The following SCMH1 variants were observed in gnomAD, a reference collection of about 807,000 sequenced individuals.
The protein encoded by SCMH1 is Scm polycomb group protein homolog 1.
SCMH1 carries 37 observed loss-of-function variants against 70.8 expected under a neutral mutation model. That is an observed-to-expected ratio of 0.52 (90% CI 0.40 to 0.69). SCMH1 has a LOEUF of 0.69. Among genes scored for constraint, SCMH1 ranks in the 30% least tolerant of loss-of-function variants. The probability of loss-of-function intolerance (pLI) is 0.00; values close to 1 mark genes in which losing one functional copy is unlikely to be tolerated. For missense variants in SCMH1, 607 were observed against 827.3 expected, an observed-to-expected ratio of 0.73 and a Z score of 3.27; for synonymous variants, 292 against 307.4, an observed-to-expected ratio of 0.95 and a Z score of 0.52.
chr1:41,145,107 T>C (rs535606135), intron 5 of SCMH1, among the ~76,000 whole-genome samples: 8 of 152,302 alleles, frequency 5.3e-5, no homozygotes, highest in African/African-American at 1.9e-4. Context: ...AAATTATCTA[T>C]TTTTTCTTTT....
At chr1:41,225,294 C>G (rs546260515) in intron 1 of SCMH1, among the ~76,000 whole-genome samples, 3 of 152,198 alleles carry the variant, frequency 2.0e-5, no homozygotes, top group African/African-American at 7.2e-5. Context: ...TACTCAATAT[C>G]CAGGGATAGG....
chr1:41,142,781 A>C, intron 6 of SCMH1, 97 bp downstream of exon 6: 1 of 1,015,092 alleles, frequency 9.9e-7, no homozygotes, highest in Non-Finnish European at 1.5e-6. Context: ...AATAAGGGAT[A>C]AGCTGGGTAC....
chr1:41,103,266 C>G (rs944360539), intron 8 of SCMH1, among the ~76,000 whole-genome samples: 1 of 151,770 alleles, frequency 6.6e-6, no homozygotes, highest in African/African-American at 2.4e-5. Context: ...TAAGTTGCTA[C>G]GATTACAGGC....
intron 2 of SCMH1, among the ~76,000 whole-genome samples, chr1:41,181,791 C>A (rs1021151959): frequency 6.6e-6 from 1 of 152,152 alleles, no homozygotes; most frequent in African/African-American, 2.4e-5. Flanking sequence ...GTCAGTGTGG[C>A]GATTCCTCAG....
intron 10 of SCMH1, among the ~76,000 whole-genome samples, chr1:41,054,840 C>T (rs78798216): frequency 0.011 from 1,612 of 152,084 alleles, 36 homozygotes; most frequent in African/African-American, 0.036. Context: ...AGTGCAGTGG[C>T]ATGCATGATC....
At chr1:41,076,728 G>A (rs1249587316) in intron 8 of SCMH1, among the ~76,000 whole-genome samples, 1 of 152,186 alleles carries the variant, frequency 6.6e-6, no homozygotes, top group Non-Finnish European at 1.5e-5. Context: ...CAAAGAGTCT[G>A]AGACAGGAAC....
At chr1:41,218,186 G>C (rs528904069) in intron 1 of SCMH1, among the ~76,000 whole-genome samples, 3 of 152,240 alleles carry the variant, frequency 2.0e-5, no homozygotes, top group East Asian at 3.9e-4. Flanking sequence ...GTTGGGATGG[G>C]GTGGATATAT....
At chr1:41,052,468 A>G (rs1360007698) in intron 10 of SCMH1, among the ~76,000 whole-genome samples, 1 of 152,250 alleles carries the variant, frequency 6.6e-6, no homozygotes, top group African/African-American at 2.4e-5. Flanking sequence ...CCACTGGTCC[A>G]TGGAACACCT....
chr1:41,161,531 C>T (rs1646031417), intron 2 of SCMH1, 99 bp from the exon 3 acceptor site: 1 of 1,313,616 alleles, frequency 7.6e-7, no homozygotes, highest in Admixed American at 3.2e-5. Flanking sequence ...ATAAAGTAAT[C>T]CACTTCCGAG....
At chr1:41,157,031 A>C (rs1645618305) in intron 4 of SCMH1, among the ~76,000 whole-genome samples, 1 of 140,766 alleles carries the variant, frequency 7.1e-6, no homozygotes, top group Non-Finnish European at 1.5e-5. Context: ...ATCATATCTC[A>C]CTGTAACCCC....
At chr1:41,066,900 A>G (rs559106629) in intron 10 of SCMH1, among the ~76,000 whole-genome samples, 2 of 152,122 alleles carry the variant, frequency 1.3e-5, no homozygotes, top group Non-Finnish European at 2.9e-5. Flanking sequence ...CTAGTCAGCC[A>G]TCTTGAAACC....
chr1:41,087,403 C>A (rs557084848), intron 8 of SCMH1, among the ~76,000 whole-genome samples: 1 of 151,028 alleles, frequency 6.6e-6, no homozygotes. Flanking sequence ...AAAATATTTA[C>A]GATATATGTT....
intron 2 of SCMH1, among the ~76,000 whole-genome samples, chr1:41,180,399 C>T (rs888040231): frequency 9.9e-5 from 15 of 152,204 alleles, no homozygotes; most frequent in South Asian, 2.1e-4. Flanking sequence ...AAAGGGTATT[C>T]AATTAGGAAA....
intron 8 of SCMH1, among the ~76,000 whole-genome samples, chr1:41,077,903 G>C (rs939041365): frequency 3.3e-5 from 5 of 152,094 alleles, no homozygotes; most frequent in Non-Finnish European, 5.9e-5. Context: ...AGTGTGATCA[G>C]TAATCAAGAG....
At chr1:41,237,157 T>C (rs976519677) in intron 1 of SCMH1, among the ~76,000 whole-genome samples, 5 of 152,208 alleles carry the variant, frequency 3.3e-5, no homozygotes, top group African/African-American at 4.8e-5. Flanking sequence ...GGTTAATTTT[T>C]AGTGACATTG....
chr1:41,134,397 C>T (rs1210630011), intron 6 of SCMH1, among the ~76,000 whole-genome samples: 3 of 152,184 alleles, frequency 2.0e-5, no homozygotes, highest in Non-Finnish European at 2.9e-5. Flanking sequence ...CCTCTCTCAC[C>T]ACTCCTATTC....
chr1:41,044,943 G>A (rs974102137), intron 12 of SCMH1, among the ~76,000 whole-genome samples: 3 of 152,160 alleles, frequency 2.0e-5, no homozygotes, highest in African/African-American at 7.2e-5. Flanking sequence ...TTCCATTTAA[G>A]AATTCGGAGT....
intron 10 of SCMH1, among the ~76,000 whole-genome samples, chr1:41,054,185 A>G (rs1452849689): frequency 6.6e-6 from 1 of 152,176 alleles, no homozygotes; most frequent in East Asian, 1.9e-4. Context: ...TTTAAGGGAA[A>G]GTGAAGAAAA....
intron 4 of SCMH1, among the ~76,000 whole-genome samples, chr1:41,154,696 C>T (rs1645361441): frequency 6.6e-6 from 1 of 152,140 alleles, no homozygotes. Context: ...CTCATTCATC[C>T]TTGGGCTCAG....
Sources: allele counts gnomAD v4.1 joint callset (sites outside exome capture counted in the v4.1 genomes callset), GRCh38; gene constraint gnomAD v4.1.1; transcripts MANE v1.5; gene names NCBI Gene and HGNC (gene_info 2026-07-23, HGNC 2026-07-21).